KDM1B: variants seen among roughly 807,000 people sequenced by gnomAD.
The protein encoded by KDM1B is lysine demethylase 1B.
KDM1B carries 63 observed loss-of-function variants against 107.4 expected under a neutral mutation model. The observed-to-expected ratio is 0.59, with a 90% CI of 0.48 to 0.72. KDM1B has a LOEUF of 0.72. KDM1B is among the 30% of genes least tolerant of loss of function. The pLI is 0.00. For synonymous variants in KDM1B, 363 were observed against 363.9 expected (o/e 1.00, Z 0.03); for missense variants, 749 against 1,020.8 (o/e 0.73, Z 3.63).
At chr6:18,206,216 C>T (rs377266429) in intron 15 of KDM1B, among the ~76,000 whole-genome samples, 1 of 149,834 alleles carries the variant, frequency 6.7e-6, no homozygotes, top group Non-Finnish European at 1.5e-5. Context: ...AAGCTCAATA[C>T]GTAAAAACAA....
intron 7 of KDM1B, among the ~76,000 whole-genome samples, chr6:18,174,944 A>G (rs867821749): frequency 1.3e-5 from 2 of 152,336 alleles, no homozygotes; most frequent in Non-Finnish European, 1.5e-5. Flanking sequence ...CTGTGCTGCT[A>G]TAAACATGCA....
chr6:18,216,328 A>AC (rs1390075305), intron 20 of KDM1B, among the ~76,000 whole-genome samples: 1 of 152,138 alleles, frequency 6.6e-6, no homozygotes, highest in Non-Finnish European at 1.5e-5. Flanking sequence ...TGATCCGCCT[A>AC]CCTCGGCCTC....
intron 16 of KDM1B, among the ~76,000 whole-genome samples, chr6:18,207,758 A>G (rs551255636): frequency 1.3e-5 from 2 of 152,340 alleles, no homozygotes; most frequent in East Asian, 3.9e-4. Flanking sequence ...AGAAGAAGGT[A>G]TTCAAATTGC....
chr6:18,197,559 T>C lies in KDM1B; in HGVS notation c.1147-28T>C, dbSNP rs1381043088. On this transcript the variant is annotated intron_variant, in intron 11 of 21. Coordinates refer to ENST00000650836, the MANE Select transcript of KDM1B (RefSeq NM_001364614.2). The surrounding 1 kb of genome is among the most constrained non-coding windows in gnomAD (Gnocchi z 4.5). ...AGGACGTTGTTATCATCTGCTCTAA[T>C]TGGACTTTTGTTTCTTTTCTTTTTA... 5 of 1,582,296 alleles carry C rather than the reference T, an allele frequency of 3.2e-6. No individual in the cohort carries two copies. Among genetic ancestry groups the C allele is most frequent in the African/African-American group, 1.3e-5 (1 of 74,334 alleles).
intron 14 of KDM1B, among the ~76,000 whole-genome samples, chr6:18,202,255 C>G: frequency 1.3e-5 from 2 of 149,342 alleles, no homozygotes; most frequent in African/African-American, 2.5e-5. Flanking sequence ...GGGCGGGGGG[C>G]AAGCATGGTG....
rs1270138134 is a variant in KDM1B at position 18,204,784 on chromosome 6, A to C, written c.1532-753A>C. Among the ~76,000 whole-genome samples the C allele has an allele frequency of 6.6e-6, 1 of 152,196 alleles. No individual in the cohort carries two copies. The highest frequency in any genetic ancestry group is 2.4e-5 in the African/African-American group (1 of 41,446). ...CCACGGCCCGGTGATGCCCGACTAT[A>C]AAGAATGGATGGGATTGGGTGGGAG... On this transcript the variant is annotated intron_variant, in intron 14 of 21. Coordinates refer to ENST00000650836, the MANE Select transcript of KDM1B (RefSeq NM_001364614.2). This position sits in a 1 kb window ranked among gnomAD's most constrained non-coding sequence, Gnocchi z 4.9.
In KDM1B at chr6:18,189,290, A is replaced by G. The variant is rs191018098; in HGVS notation, c.784+1288A>G. Among the ~76,000 whole-genome samples the G allele has an allele frequency of 3.9e-5, 6 of 152,168 alleles. No individual in the cohort carries two copies. In the East Asian group the frequency reaches 1.2e-3, roughly 29 times the overall value. ...GGAATATAGATGTGGTGGAAATCAA[A>G]GCTAAAGTGGTAATTCCCAGGGTTA... On this transcript the variant is annotated intron_variant, in intron 9 of 21. Coordinates refer to ENST00000650836, the MANE Select transcript of KDM1B (RefSeq NM_001364614.2).
At chr6:18,207,270 A>G (rs1232410036) in intron 15 of KDM1B, 128 bp from the exon 16 acceptor site, 12 of 880,008 alleles carry the variant, frequency 1.4e-5, no homozygotes, top group Non-Finnish European at 2.0e-5. Context: ...GTCTCTGCCT[A>G]GGCTGGTCTG....
At position 18,222,060 on chromosome 6, in the gene KDM1B, G is replaced by C. The variant is rs1554153540; in HGVS notation, c.*68G>C. 1 of 1,401,256 alleles carries C rather than the reference G, an allele frequency of 7.1e-7. No individual in the cohort carries two copies. The highest frequency in any genetic ancestry group is 2.3e-5 in the East Asian group (1 of 43,804). 86.8% of individuals were successfully genotyped at this position (1,401,256 alleles called of 1,614,324 possible). A position where few individuals can be genotyped will look rare whatever the true frequency, so the allele number is the denominator to read the frequency against. The stretch of plus-strand genomic sequence containing the variant: ...AATTTGAATCACATGTTAAACCTCA[G>C]TTTTATAAGAGGGGGAAAAAACCGT... On this transcript the variant is annotated 3_prime_UTR_variant, in exon 22 of 22. Transcript: ENST00000650836.
Position 18,209,893 on chromosome 6 carries a change from A to C in KDM1B, c.1866+1687A>C, listed in dbSNP as rs1788705213. On this transcript the variant is annotated intron_variant, in intron 17 of 21. Coordinates refer to ENST00000650836, the MANE Select transcript of KDM1B (RefSeq NM_001364614.2). This position sits in a 1 kb window ranked among gnomAD's most constrained non-coding sequence, Gnocchi z 4.3. The stretch of plus-strand genomic sequence containing the variant: ...TTGCCTGGTGGTAAACAGTGTTTAA[A>C]AATACTACCTTTTAAAATTGCAAGT... Among the ~76,000 whole-genome samples the C allele has an allele frequency of 1.3e-5, 2 of 152,140 alleles. No homozygotes were observed. The highest frequency in any genetic ancestry group is 2.9e-5 in the Non-Finnish European group (2 of 68,024).
chr6:18,182,250 C>T (rs1433924768), intron 7 of KDM1B, among the ~76,000 whole-genome samples: 2 of 152,110 alleles, frequency 1.3e-5, no homozygotes, highest in African/African-American at 2.4e-5. Context: ...CAGTCACCCT[C>T]CTTTGAGACC....
chr6:18,183,370 C>T (rs937418925), intron 7 of KDM1B, among the ~76,000 whole-genome samples: 2 of 143,476 alleles, frequency 1.4e-5, no homozygotes, highest in Admixed American at 7.4e-5. Context: ...CAGGTTCAAA[C>T]GATTCTCCTG....
At position 18,222,210 on chromosome 6, in the gene KDM1B, T is replaced by C. The variant is rs1301203282; in HGVS notation, c.*218T>C. 3.1e-6 allele frequency: 2 copies of C among 653,816 alleles called. No homozygotes were observed. Among genetic ancestry groups the C allele is most frequent in the Admixed American group, 4.1e-5 (2 of 48,398 alleles). 40.5% of individuals were successfully genotyped at this position (653,816 alleles called of 1,614,324 possible). On this transcript the variant is annotated 3_prime_UTR_variant, in exon 22 of 22. Coordinates refer to ENST00000650836, the MANE Select transcript of KDM1B (RefSeq NM_001364614.2). ...TAGATTTAATTGCATTTTCCATAGG[T>C]TCAACTACTGCTGAAAGTCTGGATT...
intron 7 of KDM1B, among the ~76,000 whole-genome samples, chr6:18,183,506 C>T (rs1466110114): frequency 1.3e-5 from 2 of 151,982 alleles, no homozygotes; most frequent in African/African-American, 2.4e-5. Flanking sequence ...GTGATCCACC[C>T]ACCTCGGCCT....
chr6:18,223,193 G>T lies in KDM1B; in HGVS notation c.*1201G>T, dbSNP rs1789902012. On this transcript the variant is annotated 3_prime_UTR_variant, in exon 22 of 22. Coordinates refer to ENST00000650836, the MANE Select transcript of KDM1B (RefSeq NM_001364614.2). ...CAATAATATACTGGTTTGCTTTAAAGAAGGGACTAAATATGACTTTAAAGA... is the reference window on the plus strand; with the variant it reads ...CAATAATATACTGGTTTGCTTTAAATAAGGGACTAAATATGACTTTAAAGA... The T allele has an allele frequency of 6.6e-6, 1 of 152,510 alleles. No individual in the cohort carries two copies. 9.4% of individuals were successfully genotyped at this position (152,510 alleles called of 1,614,324 possible).
chr6:18,216,960 G>A (rs1372512153), intron 20 of KDM1B, among the ~76,000 whole-genome samples: 1 of 152,194 alleles, frequency 6.6e-6, no homozygotes, highest in Non-Finnish European at 1.5e-5. Context: ...GGGGACTGCT[G>A]TATTTTAAAT....
In KDM1B at chr6:18,211,924, C is replaced by G. The variant is rs944985624; in HGVS notation, c.1867-564C>G. 3 of 158,196 alleles carry G rather than the reference C, an allele frequency of 1.9e-5. No homozygotes were observed. Among genetic ancestry groups the G allele is most frequent in the Non-Finnish European group, 4.1e-5 (3 of 73,118 alleles). 9.8% of individuals were successfully genotyped at this position (158,196 alleles called of 1,614,324 possible). On this transcript the variant is annotated intron_variant, in intron 17 of 21. Transcript: ENST00000650836. The surrounding 1 kb of genome is among the most constrained non-coding windows in gnomAD (Gnocchi z 5.2). The stretch of plus-strand genomic sequence containing the variant: ...ACTCCATAGTTAGGGCTCTTTCCTC[C>G]TCAAGTACTGCTTTTCGGGGTTTTG...
intron 10 of KDM1B, among the ~76,000 whole-genome samples, chr6:18,193,992 G>C (rs1043343195): frequency 6.6e-6 from 1 of 152,002 alleles, no homozygotes; most frequent in Non-Finnish European, 1.5e-5. Flanking sequence ...TCCTGCCTCA[G>C]CCTCCTGAGT....
At position 18,186,999 on chromosome 6, in the gene KDM1B, C is replaced by CACACACACACAT. The variant is rs1022320371; in HGVS notation, c.574-792_574-791insCACACACACATA. Among the ~76,000 whole-genome samples, 1 of 146,882 alleles carries CACACACACACAT rather than the reference C, an allele frequency of 6.8e-6. No homozygotes were observed. Among genetic ancestry groups the CACACACACACAT allele is most frequent in the Admixed American group, 6.8e-5 (1 of 14,712 alleles). The stretch of plus-strand genomic sequence containing the variant: ...ACACACACACACACACACACACACA[C>CACACACACACAT]ATTTTTTTTCCAGGCTCCAGAATAG... On this transcript the variant is annotated intron_variant, in intron 8 of 21. Coordinates refer to ENST00000650836, the MANE Select transcript of KDM1B (RefSeq NM_001364614.2). This position sits in a 1 kb window ranked among gnomAD's most constrained non-coding sequence, Gnocchi z 5.6.
Sources: allele counts gnomAD v4.1 joint callset (sites outside exome capture counted in the v4.1 genomes callset), GRCh38; gene constraint gnomAD v4.1.1; non-coding constraint Gnocchi (gnomAD v3.1); transcripts MANE v1.5; gene names NCBI Gene and HGNC (gene_info 2026-07-23, HGNC 2026-07-21).